The following GSE1 variants were observed in gnomAD, a reference collection of about 807,000 sequenced individuals.
GSE1 encodes the protein genetic suppressor element 1.
GSE1 carries 32 observed loss-of-function variants against 112.6 expected under a neutral mutation model. That is an observed-to-expected ratio of 0.28 (90% CI 0.21 to 0.38). The LOEUF is 0.38. Ranked by LOEUF, GSE1 falls within the 10% of genes least tolerant of loss-of-function variation. The probability of loss-of-function intolerance (pLI) is 1.00; values close to 1 mark genes in which losing one functional copy is unlikely to be tolerated. For missense variants in GSE1, 2,348 were observed against 1,699.2 expected (o/e 1.38, Z -6.71); for synonymous variants, 1,115 against 735.6 (o/e 1.52, Z -8.35).
In GSE1 at chr16:85,373,928, G is replaced by A. The variant is rs1010214433; in HGVS notation, c.2464+16285G>A. On this transcript the variant is annotated intron_variant, in intron 2 of 2. Transcript: ENST00000637419. This position sits in a 1 kb window ranked among gnomAD's most constrained non-coding sequence, Gnocchi z 5.1. ...CGCCCGGCCTCCCTCCCCGCTCCCCGCAGGCCCTGTCAGGTCAGCGGCGCC... is the reference window on the plus strand; with the variant it reads ...CGCCCGGCCTCCCTCCCCGCTCCCCACAGGCCCTGTCAGGTCAGCGGCGCC... Among the ~76,000 whole-genome samples the A allele has an allele frequency of 6.6e-6, 1 of 152,124 alleles. No homozygotes were observed. Among genetic ancestry groups the A allele is most frequent in the African/African-American group, 2.4e-5 (1 of 41,412 alleles).
intron 13 of GSE1, chr16:85,666,604 A>G (rs1229761201): frequency 1.9e-6 from 1 of 524,740 alleles, no homozygotes; most frequent in Non-Finnish European, 3.4e-6. Context: ...GGACGCATCG[A>G]TCGGTAAGAG....
chr16:85,276,704 C>T (rs751002772), intron 1 of GSE1, among the ~76,000 whole-genome samples: 4 of 152,134 alleles, frequency 2.6e-5, no homozygotes, highest in Admixed American at 6.5e-5. Flanking sequence ...CTGCTCTCAG[C>T]GTGGGCCAGG....
chr16:85,668,112 A>G, intron 13 of GSE1, 28 bp from the exon 14 acceptor site: 1 of 1,527,228 alleles, frequency 6.5e-7, no homozygotes, highest in Middle Eastern at 2.2e-4. Context: ...CCCCCAACAC[A>G]CTGATGCAAG....
upstream of GSE1, among the ~76,000 whole-genome samples, chr16:85,612,568 C>G (rs1010094454): frequency 6.6e-6 from 1 of 152,010 alleles, no homozygotes; most frequent in Non-Finnish European, 1.5e-5. Context: ...TTAAAGAACA[C>G]CCCCCGCAGC....
intron 1 of GSE1, among the ~76,000 whole-genome samples, chr16:85,236,814 C>T (rs1904714890): frequency 6.6e-6 from 1 of 151,998 alleles, no homozygotes; most frequent in Non-Finnish European, 1.5e-5. Context: ...GGTGTGCCTC[C>T]CCTGTACCTA....
intron 3 of GSE1, among the ~76,000 whole-genome samples, chr16:85,649,920 G>C (rs1192953430): frequency 3.9e-5 from 6 of 152,158 alleles, no homozygotes; most frequent in Admixed American, 3.9e-4. Context: ...TCAGTCCACA[G>C]GTGACAGCCC....
At chr16:85,603,653 C>A (rs2047563217) in intron 1 of GSE1, among the ~76,000 whole-genome samples, 1 of 152,182 alleles carries the variant, frequency 6.6e-6, no homozygotes. Flanking sequence ...AGACATGTAC[C>A]CCCAAGCCTG....
intron 1 of GSE1, among the ~76,000 whole-genome samples, chr16:85,211,859 C>T (rs1021034991): frequency 6.6e-6 from 1 of 152,234 alleles, no homozygotes; most frequent in Admixed American, 6.5e-5. Context: ...GAGCGATTTC[C>T]AGCAGGGCTC....
intron 2 of GSE1, among the ~76,000 whole-genome samples, chr16:85,444,981 G>A (rs560932464): frequency 2.0e-5 from 3 of 152,314 alleles, no homozygotes; most frequent in South Asian, 4.1e-4. Context: ...CGCCGGCTCC[G>A]CAGCAGCCAG....
intron 1 of GSE1, chr16:85,583,234 C>T (rs2046528875): frequency 2.0e-5 from 3 of 152,202 alleles, no homozygotes; most frequent in Admixed American, 2.0e-4. Flanking sequence ...TTGGGGGTTC[C>T]TTCTAGGATC....
chr16:85,660,722 C>T (rs927333801), intron 8 of GSE1, among the ~76,000 whole-genome samples: 5 of 151,966 alleles, frequency 3.3e-5, no homozygotes, highest in Non-Finnish European at 5.9e-5. Flanking sequence ...CGTCTGCCTC[C>T]TGGGTTCAAG....
intron 11 of GSE1, 43 bp downstream of exon 11, chr16:85,663,657 G>A (rs765390168): frequency 6.3e-7 from 1 of 1,575,030 alleles, no homozygotes; most frequent in Admixed American, 1.9e-5. Context: ...TCACTGGGGT[G>A]GAAGTGGGTT....
intron 2 of GSE1, among the ~76,000 whole-genome samples, chr16:85,505,285 G>A (rs561168845): frequency 9.9e-5 from 15 of 152,276 alleles, no homozygotes; most frequent in South Asian, 8.3e-4. Flanking sequence ...CCTGCCATGC[G>A]ATCAGGGACA....
chr16:85,391,112 C>T (rs1287117699), intron 2 of GSE1, among the ~76,000 whole-genome samples: 1 of 152,262 alleles, frequency 6.6e-6, no homozygotes, highest in Middle Eastern at 3.4e-3. Context: ...CAGCTGGCAG[C>T]CCCAGCACCT....
chr16:85,614,158 C>T (rs1262103543), intron 1 of GSE1, among the ~76,000 whole-genome samples: 1 of 151,888 alleles, frequency 6.6e-6, no homozygotes, highest in African/African-American at 2.4e-5. Context: ...CGCCGCCCCC[C>T]ACCCGCACTG....
intron 2 of GSE1, among the ~76,000 whole-genome samples, chr16:85,480,315 G>A (rs1361961702): frequency 6.6e-6 from 1 of 152,052 alleles, no homozygotes; most frequent in Admixed American, 6.5e-5. Context: ...TGGGTGAGGC[G>A]GGACTGGGAG....
At chr16:85,632,116 C>T (rs532553152) in intron 1 of GSE1, among the ~76,000 whole-genome samples, 33 of 152,326 alleles carry the variant, frequency 2.2e-4, no homozygotes, top group African/African-American at 7.2e-4. Flanking sequence ...TTGAAGCGGC[C>T]TTGGAAAGGC....
rs538931028 is a variant in GSE1 at position 85,259,874 on chromosome 16, G to T, written c.2283+88067G>T. 1.1e-4 allele frequency among the ~76,000 whole-genome samples: 16 copies of T among 152,340 alleles called. 1 individual carries two copies. In the South Asian group the frequency reaches 3.3e-3, roughly 32 times the overall value. ...GCCTCCGTGCCAGCATCCAGATGGGGGCTGAGGACATCTGTTGACCTACCC... is the reference window on the plus strand; with the variant it reads ...GCCTCCGTGCCAGCATCCAGATGGGTGCTGAGGACATCTGTTGACCTACCC... On this transcript the variant is annotated intron_variant, in intron 1 of 2. Transcript: ENST00000637419.
chr16:85,270,387 C>G (rs1179616515), intron 1 of GSE1, among the ~76,000 whole-genome samples: 1 of 148,776 alleles, frequency 6.7e-6, no homozygotes, highest in African/African-American at 2.4e-5. Flanking sequence ...GACATTTGTC[C>G]CAGCGACATC....
Sources: gnomAD v4.1 joint callset for allele counts (sites outside exome capture counted in the v4.1 genomes callset) on GRCh38, gnomAD v4.1.1 for gene constraint, Gnocchi (gnomAD v3.1) non-coding constraint, MANE v1.5 for transcripts, NCBI Gene and HGNC (gene_info 2026-07-23, HGNC 2026-07-21) for gene names.